The following DCX variants were observed in gnomAD, a reference collection of about 807,000 sequenced individuals.
The protein encoded by DCX is doublecortin, also known as neuronal migration protein doublecortin.
DCX carries 4 observed loss-of-function variants against 20.9 expected under a neutral mutation model. That is an observed-to-expected ratio of 0.19 (90% CI 0.09 to 0.44). The LOEUF (loss-of-function observed/expected upper bound fraction) is 0.44. Among genes scored for constraint, DCX ranks in the 20% least tolerant of loss-of-function variants. DCX has a pLI of 0.99. For missense variants in DCX, 133 were observed against 296.9 expected (o/e 0.45, Z 4.06); for synonymous variants, 103 against 111.4 (o/e 0.92, Z 0.47).
At chrX:111,383,276 T>C (rs1386870733) in intron 3 of DCX, among the ~76,000 whole-genome samples, 1 of 111,991 alleles carries the variant, frequency 8.9e-6, no homozygotes, top group African/African-American at 3.2e-5. Context: ...TAGATTTATG[T>C]CCTTGTGCAA....
At chrX:111,332,417 T>C (rs1308446798) in intron 4 of DCX, among the ~76,000 whole-genome samples, 3 of 112,323 alleles carry the variant, frequency 2.7e-5, no homozygotes, top group African/African-American at 9.7e-5. Flanking sequence ...AAATATGCTC[T>C]GAATGTATCT....
intron 3 of DCX, among the ~76,000 whole-genome samples, chrX:111,339,260 C>G (rs1423855290): frequency 8.9e-6 from 1 of 111,782 alleles, no homozygotes; most frequent in Non-Finnish European, 1.9e-5. Flanking sequence ...CTCCAAAACT[C>G]ATGTTGAAAC....
At chrX:111,320,012 T>C (rs1398529573) in intron 5 of DCX, among the ~76,000 whole-genome samples, 2 of 112,516 alleles carry the variant, frequency 1.8e-5, no homozygotes, top group Non-Finnish European at 1.9e-5. Flanking sequence ...CTTAATTTTG[T>C]CATCAACATT....
intron 5 of DCX, among the ~76,000 whole-genome samples, chrX:111,323,100 T>C (rs1320886369): frequency 1.8e-5 from 2 of 111,715 alleles, no homozygotes; most frequent in South Asian, 3.7e-4. Context: ...ACAGAACATG[T>C]TTCTGGTGGA....
intron 3 of DCX, among the ~76,000 whole-genome samples, chrX:111,341,115 T>C (rs1299139402): frequency 3.6e-5 from 4 of 110,446 alleles, no homozygotes; most frequent in Non-Finnish European, 7.6e-5. Context: ...GCAAAGAAGC[T>C]AAGAACCTTG....
intron 2 of DCX, among the ~76,000 whole-genome samples, chrX:111,401,749 A>T (rs189095262): frequency 4.7e-4 from 52 of 109,659 alleles, no homozygotes; most frequent in Non-Finnish European, 8.5e-4. Context: ...TTTGGACTCA[A>T]AGTCCCATCC....
At chrX:111,333,577 C>T (rs995699283) in intron 3 of DCX, among the ~76,000 whole-genome samples, 1 of 111,876 alleles carries the variant, frequency 8.9e-6, no homozygotes, top group African/African-American at 3.2e-5. Flanking sequence ...GTAGCTGACC[C>T]AGAAGTGGAA....
intron 3 of DCX, among the ~76,000 whole-genome samples, chrX:111,398,785 G>A (rs1389495027): frequency 9.0e-6 from 1 of 111,466 alleles, no homozygotes; most frequent in Non-Finnish European, 1.9e-5. Context: ...ATTCACAAAT[G>A]TTGGAAATTT....
chrX:111,357,617 AG>A (rs1415102481), intron 3 of DCX, among the ~76,000 whole-genome samples: 2 of 109,944 alleles, frequency 1.8e-5, no homozygotes, highest in African/African-American at 6.6e-5. Context: ...TGTCTCTACA[AG>A]AAAAATTTAA....
chrX:111,312,536 T>G, intron 6 of DCX, 103 bp downstream of exon 6: 1 of 819,974 alleles, frequency 1.2e-6, no homozygotes, highest in Non-Finnish European at 1.8e-6. Flanking sequence ...GAAGAAAATT[T>G]CTGGCCTTAA....
chrX:111,382,680 T>C (rs1164668127), intron 3 of DCX, among the ~76,000 whole-genome samples: 1 of 111,590 alleles, frequency 9.0e-6, no homozygotes, highest in Admixed American at 9.5e-5. Context: ...AGACAGGATC[T>C]GTTGGGGAGA....
chrX:111,317,370 A>G (rs1315446447), intron 5 of DCX, among the ~76,000 whole-genome samples: 1 of 111,587 alleles, frequency 9.0e-6, no homozygotes, highest in Non-Finnish European at 1.9e-5. Context: ...ACTGGCTAGC[A>G]ATATGCAGAA....
intron 5 of DCX, among the ~76,000 whole-genome samples, chrX:111,329,027 C>T (rs1244689331): frequency 8.9e-6 from 1 of 111,827 alleles, no homozygotes. Context: ...GTTAGAAATC[C>T]CAGAAATAGC....
chrX:111,302,511 T>A lies in DCX; in HGVS notation c.1045-768A>T, dbSNP rs188872379. ...TCATATGGTAATTCCATTTTCAGTT[T>A]TGTAAGGAATGCCATATTGCTTTCC... On this transcript the variant is annotated intron_variant, in intron 6 of 6. Transcript: ENST00000636035. 1.6e-4 allele frequency among the ~76,000 whole-genome samples: 18 copies of A among 112,406 alleles called. No individual in the cohort carries two copies. In the East Asian group the frequency reaches 5.0e-3, roughly 31 times the overall value.
Position 111,410,191 on chromosome X carries a change from A to G in DCX, c.208T>C (p.Tyr70His). 1 of 1,211,759 alleles carries G rather than the reference A, an allele frequency of 8.3e-7. No homozygotes were observed. The highest frequency in any genetic ancestry group is 1.1e-6 in the Non-Finnish European group (1 of 895,532). The change falls in exon 2 of 7, where the codon TAC becomes CAC. Residue 70 changes from tyrosine (Y) to histidine (H), a missense_variant. This residue lies in a region of DCX where 65 missense variants were observed against 212.6 expected (regional missense o/e 0.31). Coordinates refer to ENST00000636035, the MANE Select transcript of DCX (RefSeq NM_001195553.2). ...NGDRYFKGIV[Y>H]AVSSDRFRSF... ...CGAAAACGGTCAGAGGACACAGCGT[A>G]CACAATCCCCTTGAAGTAGCGGTCC...
intron 3 of DCX, among the ~76,000 whole-genome samples, chrX:111,384,710 A>G (rs753139238): frequency 4.5e-5 from 5 of 112,190 alleles, no homozygotes; most frequent in Non-Finnish European, 9.4e-5. Flanking sequence ...TTTATTCTTT[A>G]TATGATAGAT....
chrX:111,365,339 A>T (rs994042064), intron 3 of DCX, among the ~76,000 whole-genome samples: 6 of 110,013 alleles, frequency 5.5e-5, no homozygotes, highest in Admixed American at 2.9e-4. Context: ...TAATTTTTTT[A>T]AAATTAAAAA....
chrX:111,353,911 C>T (rs941165463), intron 3 of DCX, among the ~76,000 whole-genome samples: 1 of 111,820 alleles, frequency 8.9e-6, no homozygotes, highest in Non-Finnish European at 1.9e-5. Context: ...GACTTTTGGA[C>T]CTTGTTTATA....
At chrX:111,339,228 C>T (rs1298740272) in intron 3 of DCX, among the ~76,000 whole-genome samples, 1 of 111,634 alleles carries the variant, frequency 9.0e-6, no homozygotes, top group African/African-American at 3.3e-5. Flanking sequence ...TTACACACTG[C>T]TATGGTTTCA....
Sources: gnomAD v4.1 joint callset for allele counts (sites outside exome capture counted in the v4.1 genomes callset) on GRCh38, gnomAD v4.1.1 for gene constraint, gnomAD v4.1.1 regional missense constraint, MANE v1.5 for transcripts, NCBI Gene and HGNC (gene_info 2026-07-23, HGNC 2026-07-21) for gene names.